Variants in TCF12 observed in about 807,000 individuals in gnomAD.
TCF12 encodes the protein transcription factor 12.
Under a neutral mutation model 86.0 loss-of-function variants are expected in TCF12, and 45 were observed. The ratio of observed to expected loss-of-function variants is 0.52; its 90% CI spans 0.41 to 0.67. The LOEUF (loss-of-function observed/expected upper bound fraction) is 0.67, where lower values mean the gene tolerates loss of function less well. Ranked by LOEUF, TCF12 falls within the 30% of genes least tolerant of loss-of-function variation. TCF12 has a pLI of 0.00. For synonymous variants in TCF12, 330 were observed against 299.6 expected (o/e 1.10, Z -1.05); for missense variants, 881 against 859.9 (o/e 1.02, Z -0.31).
intron 1 of TCF12, chr15:56,919,597 G>T: frequency 4.5e-6 from 1 of 222,356 alleles, no homozygotes; most frequent in Non-Finnish European, 8.9e-6. Flanking sequence ...CGCGGAGCAG[G>T]GGGCGCCGAG....
rs74920383 is a variant in TCF12 at position 57,245,456 on chromosome 15, A to G, written c.1114+1906A>G. ...TTGCACAGTTCTACTAAAATTATCA[A>G]TGTCATTTTTGCTACAGCTTGTTTC... On this transcript the variant is annotated intron_variant, in intron 13 of 20. Transcript: ENST00000333725. Among the ~76,000 whole-genome samples the G allele has an allele frequency of 3.6e-3, 556 of 152,338 alleles. 8 individuals are homozygous for G. The highest frequency in any genetic ancestry group is 0.013 in the African/African-American group (524 of 41,574).
intron 5 of TCF12, among the ~76,000 whole-genome samples, chr15:57,099,343 G>A (rs2733194): frequency 2.6e-5 from 4 of 152,056 alleles, no homozygotes; most frequent in Non-Finnish European, 5.9e-5. Context: ...GAGTACTCCT[G>A]TATGGACTCA....
At chr15:57,075,763 TTTC>T (rs2069844151) in intron 4 of TCF12, among the ~76,000 whole-genome samples, 1 of 50,654 alleles carries the variant, frequency 2.0e-5, no homozygotes, top group East Asian at 7.3e-4. Context: ...GTTTCTTTTC[TTTC>T]TTTCTTTCTT....
chr15:57,225,463 T>C (rs1408311077), intron 8 of TCF12, among the ~76,000 whole-genome samples: 1 of 152,132 alleles, frequency 6.6e-6, no homozygotes, highest in Non-Finnish European at 1.5e-5. Flanking sequence ...TCCAGGATGG[T>C]CTCGACCTCC....
At chr15:57,184,236 A>G (rs1403802007) in intron 6 of TCF12, among the ~76,000 whole-genome samples, 1 of 152,132 alleles carries the variant, frequency 6.6e-6, no homozygotes, top group Non-Finnish European at 1.5e-5. Context: ...AACGCTTAAC[A>G]CTGTTGCATG....
At chr15:57,101,165 T>C (rs2049715706) in intron 5 of TCF12, among the ~76,000 whole-genome samples, 1 of 152,030 alleles carries the variant, frequency 6.6e-6, no homozygotes, top group African/African-American at 2.4e-5. Flanking sequence ...TGATTTTAGA[T>C]TTTAGGGAGG....
At chr15:56,971,687 A>G (rs2062337411) in intron 3 of TCF12, among the ~76,000 whole-genome samples, 1 of 152,204 alleles carries the variant, frequency 6.6e-6, no homozygotes, top group Non-Finnish European at 1.5e-5. Flanking sequence ...AGACGCTACT[A>G]AGAATGGCAC....
chr15:57,068,480 CATAA>C (rs1234975501), intron 4 of TCF12, among the ~76,000 whole-genome samples: 4 of 152,234 alleles, frequency 2.6e-5, no homozygotes, highest in South Asian at 2.1e-4. Flanking sequence ...GTATGAAGGA[CATAA>C]ATAAAATCAA....
chr15:57,241,708 T>A (rs2059636758), intron 12 of TCF12, among the ~76,000 whole-genome samples: 1 of 152,082 alleles, frequency 6.6e-6, no homozygotes, highest in Non-Finnish European at 1.5e-5. Flanking sequence ...AAAAATGAAA[T>A]CTGGTGGGCC....
At chr15:57,093,124 C>T (rs911329974) in intron 5 of TCF12, among the ~76,000 whole-genome samples, 1 of 151,958 alleles carries the variant, frequency 6.6e-6, no homozygotes, top group South Asian at 2.1e-4. Flanking sequence ...TTTGTTTCAG[C>T]GTAAATAAAT....
intron 5 of TCF12, among the ~76,000 whole-genome samples, chr15:57,165,124 GA>G (rs1320809512): frequency 4.1e-5 from 5 of 123,128 alleles, no homozygotes; most frequent in Non-Finnish European, 8.6e-5. Context: ...TATCCTGAAG[GA>G]ATGTATGTCT....
At chr15:57,159,990 A>G (rs1221950027) in intron 5 of TCF12, among the ~76,000 whole-genome samples, 1 of 151,252 alleles carries the variant, frequency 6.6e-6, no homozygotes, top group Non-Finnish European at 1.5e-5. Flanking sequence ...CCATAATATC[A>G]TTATCTCTGT....
intron 7 of TCF12, among the ~76,000 whole-genome samples, chr15:57,197,152 C>CTTTTTTTTTTTTTTTTTTTTTTTTT (rs138145337): frequency 3.4e-5 from 3 of 87,260 alleles, no homozygotes; most frequent in African/African-American, 4.3e-5. Flanking sequence ...AGAACAGCTT[C>CTTTTTTTTTTTTTTTTTTTTTTTTT]TTTTTTTTTT....
At chr15:56,937,436 A>G (rs1437193722) in intron 3 of TCF12, among the ~76,000 whole-genome samples, 1 of 151,540 alleles carries the variant, frequency 6.6e-6, no homozygotes, top group Non-Finnish European at 1.5e-5. Context: ...GGCTCACTGC[A>G]ACCTTCTAGG....
intron 8 of TCF12, among the ~76,000 whole-genome samples, chr15:57,202,858 A>T (rs1804395750): frequency 6.6e-6 from 1 of 152,122 alleles, no homozygotes; most frequent in African/African-American, 2.4e-5. Context: ...AGTATTATGT[A>T]CCTACTATAA....
chr15:57,214,622 C>T (rs553148885), intron 8 of TCF12, among the ~76,000 whole-genome samples: 71 of 152,210 alleles, frequency 4.7e-4, no homozygotes, highest in African/African-American at 1.1e-3. Context: ...CTGAGACAGA[C>T]GCTATTTTAT....
intron 8 of TCF12, among the ~76,000 whole-genome samples, chr15:57,220,897 G>C (rs78479376): frequency 6.6e-6 from 1 of 152,192 alleles, no homozygotes; most frequent in East Asian, 1.9e-4. Flanking sequence ...TTAGTGAAGG[G>C]GGGGAGAGGG....
intron 3 of TCF12, among the ~76,000 whole-genome samples, chr15:57,007,927 T>G (rs1314599202): frequency 1.4e-5 from 2 of 146,600 alleles, no homozygotes; most frequent in African/African-American, 5.1e-5. Context: ...TTTCTTTGTT[T>G]CTTTGTTTCT....
At chr15:57,045,134 T>G (rs2067145203) in intron 3 of TCF12, among the ~76,000 whole-genome samples, 1 of 152,188 alleles carries the variant, frequency 6.6e-6, no homozygotes, top group African/African-American at 2.4e-5. Context: ...GTGATGGTGA[T>G]TATAGACACT....
Sources: gnomAD v4.1 joint callset for allele counts (sites outside exome capture counted in the v4.1 genomes callset) on GRCh38, gnomAD v4.1.1 for gene constraint, MANE v1.5 for transcripts, NCBI Gene and HGNC (gene_info 2026-07-23, HGNC 2026-07-21) for gene names.